NDUFA5: variants seen among roughly 807,000 people sequenced by gnomAD.
NDUFA5 encodes the protein NADH:ubiquinone oxidoreductase subunit A5, also known as NADH dehydrogenase [ubiquinone] 1 alpha subcomplex subunit 5.
Under a neutral mutation model 19.8 loss-of-function variants are expected in NDUFA5, and 11 were observed. The ratio of observed to expected loss-of-function variants is 0.56; its 90% CI spans 0.35 to 0.92. The LOEUF (loss-of-function observed/expected upper bound fraction) is 0.92, where lower values mean the gene tolerates loss of function less well. NDUFA5 is among the 40% of genes least tolerant of loss of function. The pLI, the probability that NDUFA5 is intolerant of heterozygous loss-of-function variation, is 0.01. For synonymous variants in NDUFA5, 47 were observed against 46.8 expected, an observed-to-expected ratio of 1.00 and a Z score of -0.01; for missense variants, 109 against 134.2, an observed-to-expected ratio of 0.81 and a Z score of 0.93.
the NDUFA5 span, among the ~76,000 whole-genome samples, chr7:123,598,161 T>C: frequency 4.6e-5 from 7 of 152,138 alleles, no homozygotes; most frequent in Non-Finnish European, 4.4e-5. Flanking sequence ...ATGCAATGGT[T>C]TCCCTCATGT....
chr7:123,562,109 A>G (rs894205732), upstream of NDUFA5, among the ~76,000 whole-genome samples: 2 of 152,084 alleles, frequency 1.3e-5, no homozygotes, highest in Non-Finnish European at 2.9e-5. Flanking sequence ...CGTGAAAACA[A>G]TGTTAATCTC....
chr7:123,556,490 A>G (rs112529384), intron 2 of NDUFA5: 2,473 of 171,008 alleles, frequency 0.014, 68 homozygotes, highest in African/African-American at 0.048. Context: ...AAAAGTGGGC[A>G]TAAGAGAAAT....
chr7:123,570,554 G>T, the NDUFA5 span, among the ~76,000 whole-genome samples: 1 of 152,130 alleles, frequency 6.6e-6, no homozygotes, highest in Non-Finnish European at 1.5e-5. Context: ...TAAGAAACTG[G>T]CTTCTGACGT....
chr7:123,577,323 G>T, the NDUFA5 span, among the ~76,000 whole-genome samples: 1 of 152,192 alleles, frequency 6.6e-6, no homozygotes, highest in East Asian at 1.9e-4. Context: ...ATTCGATACT[G>T]AGAAGAACTG....
At chr7:123,597,123 A>C in the NDUFA5 span, among the ~76,000 whole-genome samples, 2 of 152,338 alleles carry the variant, frequency 1.3e-5, no homozygotes, top group East Asian at 3.9e-4. Context: ...CTAGCAATAA[A>C]CAATTCATAA....
At chr7:123,600,566 C>T in the NDUFA5 span, among the ~76,000 whole-genome samples, 11 of 152,138 alleles carry the variant, frequency 7.2e-5, no homozygotes, top group Admixed American at 2.0e-4. Context: ...AAGAATTCTT[C>T]ATTGAAAAAT....
chr7:123,556,948 G>A (rs771578267), intron 2 of NDUFA5: 4 of 466,314 alleles, frequency 8.6e-6, no homozygotes, highest in Admixed American at 2.6e-5. Context: ...GGGACAAGAA[G>A]AATAAAAAAA....
chr7:123,582,545 C>T, the NDUFA5 span, among the ~76,000 whole-genome samples: 7 of 151,946 alleles, frequency 4.6e-5, no homozygotes, highest in South Asian at 6.2e-4. Flanking sequence ...TTCCTCAATG[C>T]GTTCTGTGAC....
At chr7:123,563,167 CTTTGTAT>C in the NDUFA5 span, among the ~76,000 whole-genome samples, 1 of 152,106 alleles carries the variant, frequency 6.6e-6, no homozygotes, top group African/African-American at 2.4e-5. Flanking sequence ...AGAACTTTTT[CTTTGTAT>C]TCACAGCTTG....
At chr7:123,572,849 C>A in the NDUFA5 span, among the ~76,000 whole-genome samples, 4 of 151,510 alleles carry the variant, frequency 2.6e-5, no homozygotes, top group East Asian at 5.8e-4. Context: ...ATTTATTATG[C>A]TTCTCTTTGC....
At chr7:123,562,391 C>G (rs1407736034), upstream of NDUFA5, among the ~76,000 whole-genome samples, 1 of 152,178 alleles carries the variant, frequency 6.6e-6, no homozygotes, top group Non-Finnish European at 1.5e-5. Flanking sequence ...TCCTCTCTAG[C>G]TTTGAAAGTC....
chr7:123,569,558 TGAGA>T, the NDUFA5 span, among the ~76,000 whole-genome samples: 1 of 152,036 alleles, frequency 6.6e-6, no homozygotes, highest in Non-Finnish European at 1.5e-5. Flanking sequence ...TGGAAGGAAG[TGAGA>T]GAGTCAGTGC....
intron 2 of NDUFA5, chr7:123,556,912 A>G (rs781154239): frequency 2.0e-6 from 1 of 501,888 alleles, no homozygotes; most frequent in Non-Finnish European, 3.9e-6. Context: ...TGTAAAGTGA[A>G]GCAAAGAAAT....
At chr7:123,597,600 G>A in the NDUFA5 span, among the ~76,000 whole-genome samples, 2 of 152,152 alleles carry the variant, frequency 1.3e-5, no homozygotes, top group Non-Finnish European at 2.9e-5. Flanking sequence ...GGGAGGCCAA[G>A]GTGGGCAGAT....
upstream of NDUFA5, among the ~76,000 whole-genome samples, chr7:123,558,818 G>C (rs938362018): frequency 5.3e-5 from 8 of 152,120 alleles, no homozygotes; most frequent in African/African-American, 1.4e-4. Context: ...AGACTTTTAA[G>C]CTTCTAAGTG....
the NDUFA5 span, chr7:123,596,378 G>T: frequency 2.6e-5 from 4 of 151,988 alleles, no homozygotes; most frequent in Admixed American, 2.6e-4. Context: ...TTGAAGGGTG[G>T]GTAGATTGCT....
the NDUFA5 span, among the ~76,000 whole-genome samples, chr7:123,591,677 G>C: frequency 6.6e-6 from 1 of 152,122 alleles, no homozygotes; most frequent in South Asian, 2.1e-4. Context: ...TATGCTTTTT[G>C]ACGTGTTGCT....
chr7:123,587,295 T>C, the NDUFA5 span, among the ~76,000 whole-genome samples: 5 of 151,704 alleles, frequency 3.3e-5, no homozygotes, highest in African/African-American at 9.7e-5. Flanking sequence ...AGGTATTTTA[T>C]TTTTGTAGCT....
the NDUFA5 span, chr7:123,584,752 T>G: frequency 6.6e-6 from 1 of 151,838 alleles, no homozygotes; most frequent in Non-Finnish European, 1.5e-5. Context: ...GAAATAAAAA[T>G]CACAAACTAT....
Sources: allele counts gnomAD v4.1 joint callset (sites outside exome capture counted in the v4.1 genomes callset), GRCh38; gene constraint gnomAD v4.1.1; transcripts MANE v1.5; gene names NCBI Gene and HGNC (gene_info 2026-07-23, HGNC 2026-07-21).